NME7: variants seen among roughly 807,000 people sequenced by gnomAD.
NME7 encodes the protein NME/NM23 family member 7, also known as nucleoside diphosphate kinase 7.
A neutral mutation model predicts 49.1 loss-of-function variants in NME7; 41 were observed. The ratio of observed to expected loss-of-function variants is 0.83; its 90% CI spans 0.65 to 1.08. NME7 has a LOEUF of 1.08. Among genes scored for constraint, NME7 ranks in the 50% least tolerant of loss-of-function variants. The pLI, the probability that NME7 is intolerant of heterozygous loss-of-function variation, is 0.00. For missense variants in NME7, 423 were observed against 463.4 expected (o/e 0.91, Z 0.80); for synonymous variants, 139 against 150.6 (o/e 0.92, Z 0.56).
At chr1:169,330,809 A>G (rs1652226603) in intron 1 of NME7, among the ~76,000 whole-genome samples, 1 of 152,218 alleles carries the variant, frequency 6.6e-6, no homozygotes, top group South Asian at 2.1e-4. Context: ...AACCAGATAT[A>G]TACAATCTAC....
At chr1:169,191,359 A>G (rs1338739057) in intron 10 of NME7, among the ~76,000 whole-genome samples, 3 of 152,202 alleles carry the variant, frequency 2.0e-5, no homozygotes, top group Non-Finnish European at 2.9e-5. Flanking sequence ...TTATTGCTCC[A>G]TTTTTGAGTT....
Position 169,273,133 on chromosome 1 carries a change from C to T in NME7, c.754+14170G>A, listed in dbSNP as rs183365209. 3.8e-5 allele frequency among the ~76,000 whole-genome samples: 5 copies of T among 133,306 alleles called. 1 individual carries two copies. Among genetic ancestry groups the T allele is most frequent in the Admixed American group, 2.2e-4 (3 of 13,502 alleles). 87.5% of individuals were successfully genotyped at this position (133,306 alleles called of 152,430 possible). A position where few individuals can be genotyped will look rare whatever the true frequency, so the allele number is the denominator to read the frequency against. ...TGCAGTTTTGTTACATAGGTATACA[C>T]GTGCCCTGCTGGTTAGCTGCACCCA... On this transcript the variant is annotated intron_variant, in intron 7 of 11. Transcript: ENST00000367811.
rs571570255 is a variant in NME7 at position 169,314,945 on chromosome 1, C to T, written c.279-4865G>A. Among the ~76,000 whole-genome samples the T allele has an allele frequency of 7.9e-5, 12 of 152,126 alleles. No homozygotes were observed. The South Asian group carries it at 2.5e-3, about 32-fold the overall frequency. ...GTACAGTTTAAAGTAAAAGGCATTG[C>T]TAGAGATGAAGATGGTCTCTTCATA... On this transcript the variant is annotated intron_variant, in intron 3 of 11. Coordinates refer to ENST00000367811, the MANE Select transcript of NME7 (RefSeq NM_013330.5).
intron 11 of NME7, among the ~76,000 whole-genome samples, chr1:169,147,429 A>G (rs1658789182): frequency 6.6e-6 from 1 of 152,204 alleles, no homozygotes; most frequent in Non-Finnish European, 1.5e-5. Context: ...GCCTGGGTTC[A>G]AGTCTGTGCT....
rs750611486 is a variant in NME7, at chr1:169,303,127, C to T, written c.440+18G>A. Reference sequence around the variant, plus strand: ...TATCCTCCTTTACATACCACTAATCCCCAAATTAAGGACCTACTTGAAAAA... The same window carrying T: ...TATCCTCCTTTACATACCACTAATCTCCAAATTAAGGACCTACTTGAAAAA... On this transcript the variant is annotated intron_variant, in intron 5 of 11. Coordinates refer to ENST00000367811, the MANE Select transcript of NME7 (RefSeq NM_013330.5). The T allele has an allele frequency of 2.7e-5, 41 of 1,533,244 alleles. No homozygotes were observed. Among genetic ancestry groups the T allele is most frequent in the Non-Finnish European group, 2.3e-5 (26 of 1,120,856 alleles). The allele number at this position is 1,533,244 out of a possible 1,614,324, so 95.0% of individuals were successfully genotyped here. A position where few individuals can be genotyped will look rare whatever the true frequency, so the allele number is the denominator to read the frequency against.
At chr1:169,270,188 C>T (rs1649446573) in intron 7 of NME7, among the ~76,000 whole-genome samples, 1 of 134,506 alleles carries the variant, frequency 7.4e-6, no homozygotes, top group African/African-American at 2.5e-5. Context: ...TGAAACTAAA[C>T]TTCAAAAAGG....
chr1:169,218,938 C>T (rs984442604), intron 10 of NME7, among the ~76,000 whole-genome samples: 2 of 152,256 alleles, frequency 1.3e-5, no homozygotes, highest in South Asian at 2.1e-4. Context: ...ACAACTTTTT[C>T]TCCTATAAGG....
intron 9 of NME7, among the ~76,000 whole-genome samples, chr1:169,233,007 C>T (rs537051064): frequency 1.3e-5 from 2 of 148,588 alleles, no homozygotes; most frequent in East Asian, 3.9e-4. Flanking sequence ...CAACCTCAGC[C>T]TCCAGGGTTC....
chr1:169,312,373 T>C (rs1651428516), intron 3 of NME7, among the ~76,000 whole-genome samples: 1 of 152,206 alleles, frequency 6.6e-6, no homozygotes, highest in South Asian at 2.1e-4. Flanking sequence ...TCAGAGTCAC[T>C]GTGAGAGAAA....
At chr1:169,353,226 C>G (rs1042961445) in intron 1 of NME7, among the ~76,000 whole-genome samples, 4 of 151,844 alleles carry the variant, frequency 2.6e-5, no homozygotes, top group Admixed American at 6.6e-5. Context: ...AATAGAGAAC[C>G]CTGAAACAAA....
rs1491470977 is a variant in NME7 at position 169,355,276 on chromosome 1, T to TTATATC, written c.3+12431_3+12432insGATATA. On this transcript the variant is annotated intron_variant, in intron 1 of 11. Transcript: ENST00000367811. ...ATATCTATATATAATATATTGTATATTATATATAATATATTGTATATTATA... is the reference window on the plus strand; with the variant it reads ...ATATCTATATATAATATATTGTATATTATATCTATATATAATATATTGTATATTATA... Among the ~76,000 whole-genome samples the TTATATC allele has an allele frequency of 1.4e-4, 11 of 79,520 alleles. No homozygotes were observed. In the East Asian group the frequency reaches 5.3e-3, roughly 39 times the overall value. The allele number at this position is 79,520 out of a possible 152,430, so 52.2% of individuals were successfully genotyped here.
At chr1:169,219,314 A>C (rs1163025133) in intron 10 of NME7, among the ~76,000 whole-genome samples, 1 of 152,212 alleles carries the variant, frequency 6.6e-6, no homozygotes, top group Admixed American at 6.5e-5. Flanking sequence ...GCAAAACTTG[A>C]ATTTGCCATG....
chr1:169,194,049 C>T (rs895194963), intron 10 of NME7, among the ~76,000 whole-genome samples: 2 of 151,168 alleles, frequency 1.3e-5, no homozygotes, highest in East Asian at 3.9e-4. Flanking sequence ...TGAAAAATAG[C>T]GAGGCAAAAA....
chr1:169,347,967 T>G (rs1653005323), intron 1 of NME7, among the ~76,000 whole-genome samples: 1 of 152,232 alleles, frequency 6.6e-6, no homozygotes, highest in African/African-American at 2.4e-5. Context: ...CATATAGATT[T>G]ACATGCATTG....
intron 10 of NME7, among the ~76,000 whole-genome samples, chr1:169,218,958 C>A (rs957220564): frequency 6.6e-6 from 1 of 152,148 alleles, no homozygotes; most frequent in Non-Finnish European, 1.5e-5. Context: ...GGTGAAACTT[C>A]TTGCTGAAGA....
chr1:169,147,246 T>G (rs557147647), intron 11 of NME7, among the ~76,000 whole-genome samples: 6 of 152,352 alleles, frequency 3.9e-5, no homozygotes, highest in Admixed American at 2.0e-4. Context: ...TCTAATTACT[T>G]TTGAGGGAGG....
intron 11 of NME7, among the ~76,000 whole-genome samples, chr1:169,157,312 A>T (rs1192835132): frequency 2.0e-5 from 3 of 152,172 alleles, no homozygotes; most frequent in Non-Finnish European, 4.4e-5. Flanking sequence ...GTCCCTTATA[A>T]GCCCAGGTCC....
intron 10 of NME7, 138 bp from the exon 11 acceptor site, chr1:169,169,692 C>A: frequency 3.0e-6 from 2 of 664,776 alleles, no homozygotes; most frequent in South Asian, 4.4e-5. Context: ...TTTTCTGTGG[C>A]CCAATGTAAA....
intron 1 of NME7, among the ~76,000 whole-genome samples, chr1:169,335,561 G>A (rs2101952952): frequency 6.6e-6 from 1 of 151,824 alleles, no homozygotes; most frequent in East Asian, 1.9e-4. Flanking sequence ...GTGGGGTGGG[G>A]GATGAGGGAA....
Sources: gnomAD v4.1 joint callset for allele counts (sites outside exome capture counted in the v4.1 genomes callset) on GRCh38, gnomAD v4.1.1 for gene constraint, MANE v1.5 for transcripts, NCBI Gene and HGNC (gene_info 2026-07-23, HGNC 2026-07-21) for gene names.